Variants in LRP1B observed in about 807,000 individuals in gnomAD.
LRP1B encodes LDL receptor related protein 1B, also known as low-density lipoprotein receptor-related protein 1B.
Under a neutral mutation model 556.6 loss-of-function variants are expected in LRP1B, and 217 were observed. The ratio of observed to expected loss-of-function variants is 0.39; its 90% CI spans 0.35 to 0.44. The LOEUF is 0.44. LRP1B is among the 20% of genes least tolerant of loss of function. LRP1B has a pLI of 1.00. For missense variants in LRP1B, 5,053 were observed against 5,620.8 expected (o/e 0.90, Z 3.23); for synonymous variants, 2,047 against 1,865.8 (o/e 1.10, Z -2.50).
intron 43 of LRP1B, among the ~76,000 whole-genome samples, chr2:140,592,033 T>C (rs1682247867): frequency 6.6e-6 from 1 of 152,168 alleles, no homozygotes. Flanking sequence ...CATGTGAAAA[T>C]ATCTGACCAC....
intron 86 of LRP1B, among the ~76,000 whole-genome samples, chr2:140,263,305 C>G (rs982839985): frequency 6.6e-6 from 1 of 152,090 alleles, no homozygotes; most frequent in Non-Finnish European, 1.5e-5. Flanking sequence ...AGCAGTCTTC[C>G]TTTATTTTGC....
At chr2:141,716,338 C>A (rs558724155) in intron 2 of LRP1B, among the ~76,000 whole-genome samples, 2 of 152,236 alleles carry the variant, frequency 1.3e-5, no homozygotes, top group South Asian at 4.1e-4. Context: ...CTTTTTATAC[C>A]TTAGCAAGCA....
At chr2:141,317,071 A>T (rs532227690) in intron 3 of LRP1B, among the ~76,000 whole-genome samples, 25 of 152,368 alleles carry the variant, frequency 1.6e-4, no homozygotes, top group Admixed American at 1.6e-3. Flanking sequence ...GGCAGGACAT[A>T]GTAAGTATAC....
In LRP1B at chr2:140,598,601, C is replaced by T. The variant is rs772228483; in HGVS notation, c.7194+30G>A. ...GTTTTAAATATATCATTGTATAACT[C>T]TATAACCAAGAAATTCCTGATTAAC... On this transcript the variant is annotated intron_variant, in intron 43 of 90. Coordinates refer to ENST00000389484, the MANE Select transcript of LRP1B (RefSeq NM_018557.3). The T allele has an allele frequency of 5.9e-6, 9 of 1,535,044 alleles. No individual in the cohort carries two copies. In the East Asian group the frequency reaches 2.0e-4, roughly 35 times the overall value.
intron 3 of LRP1B, among the ~76,000 whole-genome samples, chr2:141,282,182 G>A (rs1018064724): frequency 1.3e-5 from 2 of 152,006 alleles, no homozygotes; most frequent in East Asian, 3.9e-4. Context: ...TGGGATTACA[G>A]GGGAGACTAA....
rs374736257 is a variant in LRP1B, at chr2:141,483,144, G to A, written c.206-2611C>T. ...CACCCCACAACAGTCCCTGGAGTGTGATGTTCCCCTTCCTGTGTCCATGTG... is the reference window on the plus strand; with the variant it reads ...CACCCCACAACAGTCCCTGGAGTGTAATGTTCCCCTTCCTGTGTCCATGTG... On this transcript the variant is annotated intron_variant, in intron 2 of 90. Transcript: ENST00000389484. Among the ~76,000 whole-genome samples the A allele has an allele frequency of 8.6e-3, 1,127 of 130,562 alleles. 13 individuals carry two copies. The highest frequency in any genetic ancestry group is 0.027 in the Middle Eastern group (5 of 184). The allele number at this position is 130,562 out of a possible 152,430, so 85.7% of individuals were successfully genotyped here. A position where few individuals can be genotyped will look rare whatever the true frequency, so the allele number is the denominator to read the frequency against.
intron 7 of LRP1B, among the ~76,000 whole-genome samples, chr2:141,107,860 AAC>A (rs1700645864): frequency 6.6e-6 from 1 of 152,150 alleles, no homozygotes; most frequent in South Asian, 2.1e-4. Flanking sequence ...AGAATAGCAA[AAC>A]ACTATTATTT....
intron 4 of LRP1B, 28 bp downstream of exon 4, chr2:141,254,494 A>T: frequency 6.2e-7 from 1 of 1,609,460 alleles, no homozygotes; most frequent in Non-Finnish European, 8.5e-7. Context: ...TATAAACAAA[A>T]TTTGATGGCG....
intron 66 of LRP1B, among the ~76,000 whole-genome samples, chr2:140,415,283 G>A (rs901171831): frequency 1.3e-5 from 2 of 150,722 alleles, no homozygotes; most frequent in Admixed American, 6.6e-5. Flanking sequence ...CTTATCAGTA[G>A]TTCTGCTTTT....
intron 2 of LRP1B, among the ~76,000 whole-genome samples, chr2:141,614,080 C>CAGAAAAAAAAAAAAAAAAA: frequency 2.1e-5 from 1 of 47,354 alleles, no homozygotes; most frequent in Middle Eastern, 0.026. Context: ...AACTCAGCCT[C>CAGAAAAAAAAAAAAAAAAA]AAAAAAAAAA....
At chr2:140,274,307 G>A in intron 85 of LRP1B, 117 bp downstream of exon 85, 1 of 868,016 alleles carries the variant, frequency 1.2e-6, no homozygotes. Context: ...ACTGCAATGG[G>A]CACAATACGG....
intron 7 of LRP1B, among the ~76,000 whole-genome samples, chr2:141,159,525 C>T (rs976475318): frequency 8.6e-5 from 13 of 152,042 alleles, no homozygotes; most frequent in African/African-American, 2.9e-4. Flanking sequence ...CACAACTGCA[C>T]CCAGCTCAGG....
chr2:140,385,636 G>A (rs1373849515), intron 67 of LRP1B, among the ~76,000 whole-genome samples: 3 of 152,092 alleles, frequency 2.0e-5, no homozygotes, highest in Non-Finnish European at 2.9e-5. Context: ...GCATACTAAT[G>A]GGTTGCATTA....
chr2:140,599,750 G>A (rs1311496455), intron 42 of LRP1B, among the ~76,000 whole-genome samples: 1 of 152,180 alleles, frequency 6.6e-6, no homozygotes, highest in South Asian at 2.1e-4. Context: ...TATAATAAGA[G>A]AATTTTAGAG....
intron 66 of LRP1B, among the ~76,000 whole-genome samples, chr2:140,389,903 G>A (rs567838967): frequency 6.6e-6 from 1 of 152,096 alleles, no homozygotes; most frequent in South Asian, 2.1e-4. Flanking sequence ...GGTTGAGGCT[G>A]GCAGATCATG....
chr2:141,606,979 T>TCCTC (rs1004350201), intron 2 of LRP1B, among the ~76,000 whole-genome samples: 14 of 152,012 alleles, frequency 9.2e-5, no homozygotes, highest in African/African-American at 3.1e-4. Flanking sequence ...CTTATCCCTT[T>TCCTC]CCTCCCTCCC....
At chr2:140,721,891 T>C (rs762347476) in intron 35 of LRP1B, among the ~76,000 whole-genome samples, 21 of 151,882 alleles carry the variant, frequency 1.4e-4, no homozygotes, top group Non-Finnish European at 2.1e-4. Flanking sequence ...ATAATGTATA[T>C]ATATTTAAGT....
intron 66 of LRP1B, among the ~76,000 whole-genome samples, chr2:140,397,444 G>A (rs1684303529): frequency 6.6e-6 from 1 of 152,046 alleles, no homozygotes; most frequent in Non-Finnish European, 1.5e-5. Context: ...TCCTTGGAAA[G>A]TGGCACTTAT....
At chr2:141,235,966 TGG>T (rs1683634864) in intron 5 of LRP1B, among the ~76,000 whole-genome samples, 1 of 152,164 alleles carries the variant, frequency 6.6e-6, no homozygotes, top group Non-Finnish European at 1.5e-5. Flanking sequence ...TTGGCTGCAA[TGG>T]GAAGCCAGTG....
Sources: allele counts gnomAD v4.1 joint callset (sites outside exome capture counted in the v4.1 genomes callset), GRCh38; gene constraint gnomAD v4.1.1; transcripts MANE v1.5; gene names NCBI Gene and HGNC (gene_info 2026-07-23, HGNC 2026-07-21).